Variants in MTMR8 observed in about 807,000 individuals in gnomAD.
MTMR8 encodes phosphatidylinositol-3,5-bisphosphate 3-phosphatase MTMR8.
In MTMR8, 65 loss-of-function variants were observed where a neutral mutation model predicts 39.3. The ratio of observed to expected loss-of-function variants is 1.65; its 90% CI spans 1.35 to 2.03. MTMR8 has a LOEUF of 2.03. Ranked by LOEUF, MTMR8 falls within the 30% of genes most tolerant of loss-of-function variation. MTMR8 has a pLI of 0.00. For synonymous variants in MTMR8, 245 were observed against 185.2 expected, an observed-to-expected ratio of 1.32 and a Z score of -2.62; for missense variants, 777 against 538.9, an observed-to-expected ratio of 1.44 and a Z score of -4.37.
At chrX:64,273,735 A>T (rs1376449122) in intron 12 of MTMR8, among the ~76,000 whole-genome samples, 1 of 111,381 alleles carries the variant, frequency 9.0e-6, no homozygotes, top group Non-Finnish European at 1.9e-5. Flanking sequence ...TTAAGGGCAC[A>T]CATAGGCTGA....
At chrX:64,294,419 C>T (rs1477566831) in intron 12 of MTMR8, among the ~76,000 whole-genome samples, 4 of 111,269 alleles carry the variant, frequency 3.6e-5, no homozygotes, top group African/African-American at 1.3e-4. Flanking sequence ...GACCTAGATG[C>T]CTGCCCCATT....
rs1457408968 is a variant in MTMR8, at chrX:64,350,063, C to T, written c.476G>A (p.Ser159Asn). ...AACCACTATTTCAGGAGGGTAGGTG[C>T]TGCATATCTAAAAGAAAATAAGCAC... ...TDANRNYEIC[S>N]TYPPEIVVPK... Residue 159 changes from serine (S) to asparagine (N), a missense_variant, in exon 5 of 14, where the codon AGC becomes AAC. Ser to Asn is a conservative substitution (Grantham distance 46, BLOSUM62 1). Transcript: ENST00000374852. 1.8e-6 allele frequency: 2 copies of T among 1,123,252 alleles called. No homozygotes were observed. The highest frequency in any genetic ancestry group is 2.4e-5 in the South Asian group (1 of 42,362). The allele number at this position is 1,123,252 out of a possible 1,213,427, so 92.6% of individuals were successfully genotyped here.
At chrX:64,364,144 C>T (rs926013547) in intron 1 of MTMR8, among the ~76,000 whole-genome samples, 7 of 112,516 alleles carry the variant, frequency 6.2e-5, no homozygotes, top group Non-Finnish European at 1.9e-5. Context: ...TCTCTAGAGC[C>T]CAACTCTGGG....
chrX:64,371,810 C>T (rs1924137220), intron 1 of MTMR8, among the ~76,000 whole-genome samples: 1 of 110,325 alleles, frequency 9.1e-6, no homozygotes, highest in Non-Finnish European at 1.9e-5. Context: ...AATTTAAGAA[C>T]ATTATATTAA....
At chrX:64,379,678 T>A (rs1439069916) in intron 1 of MTMR8, among the ~76,000 whole-genome samples, 1 of 111,675 alleles carries the variant, frequency 9.0e-6, no homozygotes, top group Non-Finnish European at 1.9e-5. Context: ...CCTAATGACA[T>A]CATTTTAACT....
chrX:64,277,863 C>T (rs1931914523), intron 12 of MTMR8, among the ~76,000 whole-genome samples: 2 of 111,074 alleles, frequency 1.8e-5, no homozygotes, highest in Admixed American at 9.6e-5. Context: ...TTCAGGTACA[C>T]CAATCAAATG....
chrX:64,277,227 G>A (rs1370441187), intron 12 of MTMR8, among the ~76,000 whole-genome samples: 1 of 111,816 alleles, frequency 8.9e-6, no homozygotes, highest in Non-Finnish European at 1.9e-5. Flanking sequence ...TTTAATTGGG[G>A]CATTTAGCCC....
intron 1 of MTMR8, among the ~76,000 whole-genome samples, chrX:64,367,341 A>T (rs1018584374): frequency 1.8e-5 from 2 of 112,062 alleles, no homozygotes; most frequent in Non-Finnish European, 3.8e-5. Flanking sequence ...CCTGATGAAC[A>T]TCGATGCCAA....
intron 13 of MTMR8, among the ~76,000 whole-genome samples, chrX:64,270,612 C>T (rs902136873): frequency 1.8e-5 from 2 of 112,103 alleles, no homozygotes; most frequent in African/African-American, 6.5e-5. Context: ...TATCAGTATA[C>T]CCAAGATGTT....
chrX:64,326,846 T>C (rs1375775694), intron 12 of MTMR8, among the ~76,000 whole-genome samples: 1 of 109,380 alleles, frequency 9.1e-6, no homozygotes, highest in Non-Finnish European at 1.9e-5. Context: ...GATACTGATC[T>C]AAAAATAGAC....
chrX:64,304,860 T>TTATATATATATATATATATATATATATA (rs751399962), intron 12 of MTMR8, among the ~76,000 whole-genome samples: 3 of 28,562 alleles, frequency 1.1e-4, no homozygotes, highest in Non-Finnish European at 2.6e-4. Flanking sequence ...GATCAAACAT[T>TTATATATATATATATATATATATATATA]TATATATATA....
At chrX:64,301,979 C>G (rs933053094) in intron 12 of MTMR8, among the ~76,000 whole-genome samples, 8 of 112,296 alleles carry the variant, frequency 7.1e-5, no homozygotes, top group South Asian at 3.7e-4. Context: ...AGCTGTCAGA[C>G]AGGGACATTT....
chrX:64,315,062 G>A (rs1278525313), intron 12 of MTMR8, among the ~76,000 whole-genome samples: 3 of 111,791 alleles, frequency 2.7e-5, no homozygotes, highest in Non-Finnish European at 5.6e-5. Context: ...GAGTTAGGGG[G>A]ATGGGCATCC....
chrX:64,316,893 T>C lies in MTMR8; in HGVS notation c.1481+11879A>G, dbSNP rs755065704. On this transcript the variant is annotated intron_variant, in intron 12 of 13. Transcript: ENST00000374852. ...TGGGAGGTCAAGGAAGGTGGATCAC[T>C]TGAGGTGAGGAGTTCGAGACCAGCC... 6.8e-4 allele frequency among the ~76,000 whole-genome samples: 74 copies of C among 109,445 alleles called. No homozygotes were observed. The South Asian group carries it at 0.014, about 20-fold the overall frequency.
At chrX:64,346,654 C>A (rs1923355458) in intron 6 of MTMR8, among the ~76,000 whole-genome samples, 2 of 110,077 alleles carry the variant, frequency 1.8e-5, no homozygotes, top group African/African-American at 6.6e-5. Flanking sequence ...ATATGTCTGG[C>A]AGATCTGAGT....
chrX:64,297,714 G>C (rs1407251338), intron 12 of MTMR8, among the ~76,000 whole-genome samples: 2 of 106,633 alleles, frequency 1.9e-5, no homozygotes, highest in Admixed American at 2.0e-4. Flanking sequence ...TATGGTTTTA[G>C]GTCTAACGTT....
intron 4 of MTMR8, among the ~76,000 whole-genome samples, chrX:64,354,563 C>T (rs1923571184): frequency 8.9e-6 from 1 of 112,008 alleles, no homozygotes; most frequent in South Asian, 3.8e-4. Context: ...TGCACCTATG[C>T]TCCCATAACA....
Position 64,367,473 on chromosome X carries a change from T to C in MTMR8, c.25-7946A>G, listed in dbSNP as rs186424963. Among the ~76,000 whole-genome samples, 159 of 111,697 alleles carry C rather than the reference T, an allele frequency of 1.4e-3. 1 individual carries two copies. The highest frequency in any genetic ancestry group is 1.8e-3 in the Non-Finnish European group (98 of 53,016). On this transcript the variant is annotated intron_variant, in intron 1 of 13. Transcript: ENST00000374852. ...GTTCAACATATGCAAATCAATAAAC[T>C]TAATCCATCACATAAACAGAACCAA...
intron 1 of MTMR8, among the ~76,000 whole-genome samples, chrX:64,373,023 G>T (rs1307449980): frequency 8.9e-6 from 1 of 111,851 alleles, no homozygotes; most frequent in Non-Finnish European, 1.9e-5. Flanking sequence ...GGAACAAAGA[G>T]AGATGATAAA....
Sources: gnomAD v4.1 joint callset for allele counts (sites outside exome capture counted in the v4.1 genomes callset) on GRCh38, gnomAD v4.1.1 for gene constraint, MANE v1.5 for transcripts, NCBI Gene and HGNC (gene_info 2026-07-23, HGNC 2026-07-21) for gene names.